The following KLHL29 variants were observed in gnomAD, a reference collection of about 807,000 sequenced individuals.
KLHL29 encodes kelch like family member 29.
A neutral mutation model predicts 80.4 loss-of-function variants in KLHL29; 21 were observed. The observed-to-expected ratio is 0.26, with a 90% CI of 0.19 to 0.38. The LOEUF (loss-of-function observed/expected upper bound fraction) is 0.38, where lower values mean the gene tolerates loss of function less well. KLHL29 is among the 10% of genes least tolerant of loss of function. The pLI, the probability that KLHL29 is intolerant of heterozygous loss-of-function variation, is 1.00. For missense variants in KLHL29, 867 were observed against 1,223.9 expected, an observed-to-expected ratio of 0.71 and a Z score of 4.35; for synonymous variants, 511 against 526.8, an observed-to-expected ratio of 0.97 and a Z score of 0.41.
Position 23,412,129 on chromosome 2 carries a change from G to T in KLHL29, c.-154+26349G>T, listed in dbSNP as rs980473081. 1.0e-3 allele frequency among the ~76,000 whole-genome samples: 148 copies of T among 146,316 alleles called. 4 individuals are homozygous for T. Among genetic ancestry groups the T allele is most frequent in the African/African-American group, 3.5e-3 (138 of 39,604 alleles). On this transcript the variant is annotated intron_variant, in intron 1 of 13. Transcript: ENST00000486442. ...AAAAATGTGTGTGCGTGAAGGGGGGGGGGGGGCGGTGCGGTAGAGGTAGGA... is the reference window on the plus strand; with the variant it reads ...AAAAATGTGTGTGCGTGAAGGGGGGTGGGGGGCGGTGCGGTAGAGGTAGGA...
intron 1 of KLHL29, among the ~76,000 whole-genome samples, chr2:23,442,185 G>C (rs1663546503): frequency 6.6e-6 from 1 of 152,058 alleles, no homozygotes; most frequent in South Asian, 2.1e-4. Flanking sequence ...CTACCTCCCA[G>C]GCTCAAGCAA....
chr2:23,632,860 A>G (rs1012190482), intron 3 of KLHL29, among the ~76,000 whole-genome samples: 1 of 152,052 alleles, frequency 6.6e-6, no homozygotes, highest in Non-Finnish European at 1.5e-5. Flanking sequence ...TCCTCACATC[A>G]CCCAGCTTTC....
intron 3 of KLHL29, among the ~76,000 whole-genome samples, chr2:23,612,828 AG>A (rs1312798235): frequency 6.6e-6 from 1 of 152,200 alleles, no homozygotes; most frequent in East Asian, 1.9e-4. Context: ...TTCAAAGCAA[AG>A]GTTAGAGTTT....
intron 5 of KLHL29, among the ~76,000 whole-genome samples, chr2:23,678,743 A>T (rs1670990006): frequency 6.6e-6 from 1 of 152,240 alleles, no homozygotes. Context: ...AAAAGGAGGG[A>T]AATCCTGATG....
At chr2:23,543,188 A>G (rs1180519467) in intron 2 of KLHL29, among the ~76,000 whole-genome samples, 1 of 152,130 alleles carries the variant, frequency 6.6e-6, no homozygotes, top group Non-Finnish European at 1.5e-5. Flanking sequence ...CTCTAACCAC[A>G]TGGTCTAGAG....
rs138540428 is a variant in KLHL29 at position 23,576,676 on chromosome 2, T to C, written c.285+14195T>C. ...CCGGACCACAGGGGAAGTCTGCATC[T>C]GGCACGGCCGATGGCTTTGTAAAAT... On this transcript the variant is annotated intron_variant, in intron 3 of 13. Coordinates refer to ENST00000486442, the MANE Select transcript of KLHL29 (RefSeq NM_052920.2). Among the ~76,000 whole-genome samples the C allele has an allele frequency of 9.2e-3, 1,394 of 152,332 alleles. 8 individuals carry two copies. The highest frequency in any genetic ancestry group is 0.012 in the Non-Finnish European group (829 of 68,012).
rs1162232742 is a variant in KLHL29 at position 23,392,305 on chromosome 2, A to G, written c.-154+6525A>G. Reference sequence around the variant, plus strand: ...GGCATGTATATATATTATGTTCTGTAAGTCTCACTATCAGTACTTATTCTG... The same window carrying G: ...GGCATGTATATATATTATGTTCTGTGAGTCTCACTATCAGTACTTATTCTG... On this transcript the variant is annotated intron_variant, in intron 1 of 13. Transcript: ENST00000486442. Among the ~76,000 whole-genome samples, 3 of 152,346 alleles carry G rather than the reference A, an allele frequency of 2.0e-5. No homozygotes were observed. The South Asian group carries it at 6.2e-4, about 32-fold the overall frequency.
At chr2:23,444,997 G>A (rs1304722958) in intron 1 of KLHL29, among the ~76,000 whole-genome samples, 1 of 152,036 alleles carries the variant, frequency 6.6e-6, no homozygotes, top group Middle Eastern at 3.2e-3. Context: ...TAAGTTGTTG[G>A]AAACTGTGAC....
Position 23,534,586 on chromosome 2 carries a change from G to A in KLHL29, c.-45-27566G>A, listed in dbSNP as rs576213965. Among the ~76,000 whole-genome samples the A allele has an allele frequency of 9.2e-5, 14 of 151,970 alleles. No individual in the cohort carries two copies. In the Middle Eastern group the frequency reaches 0.01, roughly 111 times the overall value. On this transcript the variant is annotated intron_variant, in intron 2 of 13. Coordinates refer to ENST00000486442, the MANE Select transcript of KLHL29 (RefSeq NM_052920.2). ...AACTTCTGTTCCAGCCCAAGTTCCC[G>A]TCTTCCTTCTCTTCTGCTCAGTGTC... is the stretch of plus-strand genomic sequence containing the variant.
At chr2:23,477,164 G>A (rs564982622) in intron 2 of KLHL29, among the ~76,000 whole-genome samples, 13 of 152,380 alleles carry the variant, frequency 8.5e-5, no homozygotes, top group African/African-American at 2.6e-4. Flanking sequence ...TAGCAGCCCC[G>A]GGACTGCTGT....
At chr2:23,403,772 C>T (rs1666655145) in intron 1 of KLHL29, among the ~76,000 whole-genome samples, 1 of 147,816 alleles carries the variant, frequency 6.8e-6, no homozygotes, top group Non-Finnish European at 1.5e-5. Context: ...TGTGCAGGCG[C>T]AAAAGACAGG....
chr2:23,661,340 T>TAAAAAAAA (rs11483622), intron 5 of KLHL29, among the ~76,000 whole-genome samples: 3 of 134,916 alleles, frequency 2.2e-5, no homozygotes, highest in Non-Finnish European at 4.7e-5. Context: ...AGACCCTGTC[T>TAAAAAAAA]AAAAAAAAAA....
chr2:23,635,061 G>A (rs1669573520), intron 3 of KLHL29, among the ~76,000 whole-genome samples: 1 of 152,200 alleles, frequency 6.6e-6, no homozygotes, highest in South Asian at 2.1e-4. Context: ...GGCCTGGGAG[G>A]ACCCCAGGGG....
chr2:23,654,699 G>GGGT (rs199858580), intron 5 of KLHL29, among the ~76,000 whole-genome samples: 1 of 118,810 alleles, frequency 8.4e-6, no homozygotes, highest in Non-Finnish European at 1.9e-5. Context: ...CAGAGGTTGG[G>GGGT]GGGGGGGGGT....
chr2:23,572,162 G>A (rs1667732046), intron 3 of KLHL29, among the ~76,000 whole-genome samples: 3 of 152,190 alleles, frequency 2.0e-5, no homozygotes, highest in Admixed American at 1.3e-4. Flanking sequence ...ACTGGTACGT[G>A]AGCCAGGAGG....
chr2:23,530,572 C>T (rs762989152), intron 2 of KLHL29, among the ~76,000 whole-genome samples: 6 of 152,204 alleles, frequency 3.9e-5, no homozygotes, highest in East Asian at 1.9e-4. Context: ...GCACAACCCG[C>T]GCCTCCTGAT....
chr2:23,619,088 T>C (rs1422046312), intron 3 of KLHL29, among the ~76,000 whole-genome samples: 1 of 152,202 alleles, frequency 6.6e-6, no homozygotes, highest in Non-Finnish European at 1.5e-5. Context: ...AAAGGCAGCC[T>C]CTCTGTTGCA....
In KLHL29 at chr2:23,503,693, G is replaced by A. The variant is rs1425017617; in HGVS notation, c.-46+28026G>A. On this transcript the variant is annotated intron_variant, in intron 2 of 13. Coordinates refer to ENST00000486442, the MANE Select transcript of KLHL29 (RefSeq NM_052920.2). This position sits in a 1 kb window ranked among gnomAD's most constrained non-coding sequence, Gnocchi z 4.0. The stretch of plus-strand genomic sequence containing the variant: ...TTCCAGCTCCTCCCAGGCCCCCATG[G>A]ATAAAATAGGGCCACAGGTGACAAG... Among the ~76,000 whole-genome samples, 1 of 152,142 alleles carries A rather than the reference G, an allele frequency of 6.6e-6. No individual in the cohort carries two copies. Among genetic ancestry groups the A allele is most frequent in the Non-Finnish European group, 1.5e-5 (1 of 68,032 alleles).
At position 23,441,278 on chromosome 2, in the gene KLHL29, A is replaced by G. The variant is rs551778159; in HGVS notation, c.-153-34282A>G. ...CTCACTCATAGGTGGGAATTGAACA[A>G]TGAGAATACATGGACACAGGAAGGG... On this transcript the variant is annotated intron_variant, in intron 1 of 13. Coordinates refer to ENST00000486442, the MANE Select transcript of KLHL29 (RefSeq NM_052920.2). Among the ~76,000 whole-genome samples the G allele has an allele frequency of 1.3e-4, 18 of 141,024 alleles. No individual in the cohort carries two copies. The East Asian group carries it at 3.1e-3, about 24-fold the overall frequency. The allele number at this position is 141,024 out of a possible 152,430, so 92.5% of individuals were successfully genotyped here. A position where few individuals can be genotyped will look rare whatever the true frequency, so the allele number is the denominator to read the frequency against.
Sources: gnomAD v4.1 joint callset for allele counts (sites outside exome capture counted in the v4.1 genomes callset) on GRCh38, gnomAD v4.1.1 for gene constraint, Gnocchi (gnomAD v3.1) non-coding constraint, MANE v1.5 for transcripts, NCBI Gene and HGNC (gene_info 2026-07-23, HGNC 2026-07-21) for gene names.